RNMT: variants seen among roughly 807,000 people sequenced by gnomAD.
The protein encoded by RNMT is mRNA cap guanine-N(7) methyltransferase.
Under a neutral mutation model 56.0 loss-of-function variants are expected in RNMT, and 27 were observed. That is an observed-to-expected ratio of 0.48 (90% CI 0.36 to 0.67). The LOEUF is 0.67. RNMT is among the 30% of genes least tolerant of loss of function. The pLI, the probability that RNMT is intolerant of heterozygous loss-of-function variation, is 0.00. For missense variants in RNMT, 519 were observed against 552.1 expected, an observed-to-expected ratio of 0.94 and a Z score of 0.60; for synonymous variants, 184 against 176.2, an observed-to-expected ratio of 1.04 and a Z score of -0.35.
At position 13,763,356 on chromosome 18, in the gene RNMT, T is replaced by A. The variant is rs2044642366; in HGVS notation, c.*3377T>A. 3.1e-6 allele frequency: 1 copy of A among 325,606 alleles called. No homozygotes were observed. The highest frequency in any genetic ancestry group is 2.1e-5 in the African/African-American group (1 of 46,516). The allele number at this position is 325,606 out of a possible 1,614,324, so 20.2% of individuals were successfully genotyped here. Reference sequence around the variant, plus strand: ...CCTCCCTCTCGTGCTGCTCAGTTTGTCCTCTGCTCCCATGTAGGCCTAAAG... The same window carrying A: ...CCTCCCTCTCGTGCTGCTCAGTTTGACCTCTGCTCCCATGTAGGCCTAAAG... On this transcript the variant is annotated 3_prime_UTR_variant, in exon 12 of 12. Coordinates refer to ENST00000383314, the MANE Select transcript of RNMT (RefSeq NM_003799.3).
Position 13,740,370 on chromosome 18 carries a change from T to TA in RNMT, c.792+98dup, listed in dbSNP as rs545850248. On this transcript the variant is annotated intron_variant, in intron 6 of 11. Coordinates refer to ENST00000383314, the MANE Select transcript of RNMT (RefSeq NM_003799.3). Reference sequence around the variant, plus strand: ...AAAATCAACTCAATTTTTACTTTTTTAAAAAAATTTACTCTTATTTTTTGA... The same window carrying TA: ...AAAATCAACTCAATTTTTACTTTTTTAAAAAAAATTTACTCTTATTTTTTGA... 2,611 of 740,444 alleles carry TA rather than the reference T, an allele frequency of 3.5e-3. 11 individuals are homozygous for TA. The highest frequency in any genetic ancestry group is 4.2e-3 in the Non-Finnish European group (1,902 of 449,492). The allele number at this position is 740,444 out of a possible 1,614,324, so 45.9% of individuals were successfully genotyped here.
At chr18:13,742,805 AAC>A in intron 8 of RNMT, 153 bp downstream of exon 8, 1 of 580,030 alleles carries the variant, frequency 1.7e-6, no homozygotes, top group Non-Finnish European at 2.8e-6. Context: ...AAAAAAAAAA[AAC>A]AAAACAAGAC....
At chr18:13,748,846 A>G (rs4433867) in intron 9 of RNMT, among the ~76,000 whole-genome samples, 135,311 of 152,168 alleles carry the variant, frequency 0.89, 60,237 homozygotes, top group East Asian at 0.97. Flanking sequence ...TTGGGAGGCC[A>G]AGGCGGGCAG....
In RNMT at chr18:13,762,387, A is replaced by G. The variant is rs1259469117; in HGVS notation, c.*2408A>G. The stretch of plus-strand genomic sequence containing the variant: ...GTGGGAGCCGTGTTCTAACCTGTGG[A>G]AAGTATTGCAATTCTGTGAGAGTGA... On this transcript the variant is annotated 3_prime_UTR_variant, in exon 12 of 12. Coordinates refer to ENST00000383314, the MANE Select transcript of RNMT (RefSeq NM_003799.3). The G allele has an allele frequency of 4.0e-6, 2 of 497,300 alleles. No individual in the cohort carries two copies. Among genetic ancestry groups the G allele is most frequent in the African/African-American group, 2.0e-5 (1 of 50,426 alleles). The allele number at this position is 497,300 out of a possible 1,614,324, so 30.8% of individuals were successfully genotyped here. A position where few individuals can be genotyped will look rare whatever the true frequency, so the allele number is the denominator to read the frequency against.
intron 11 of RNMT, among the ~76,000 whole-genome samples, chr18:13,759,035 C>T (rs758910550): frequency 1.3e-4 from 20 of 152,092 alleles, no homozygotes; most frequent in Non-Finnish European, 1.9e-4. Context: ...AAAGGCACCT[C>T]GATAAAGTTT....
rs1399850723 is a variant in RNMT at position 13,740,159 on chromosome 18, C to T, written c.680-8C>T. On this transcript the variant is annotated splice_polypyrimidine_tract_variant and splice_region_variant and intron_variant, in intron 5 of 11. Transcript: ENST00000383314. ...TTGATACTTACTAATACCCTTCCAT[C>T]CTTCCAGATATTGCCGATGTTTCTG... 6.4e-7 allele frequency: 1 copy of T among 1,552,744 alleles called. No individual in the cohort carries two copies. The highest frequency in any genetic ancestry group is 8.9e-7 in the Non-Finnish European group (1 of 1,124,878).
chr18:13,727,941 CTA>C (rs2043990568), intron 1 of RNMT, among the ~76,000 whole-genome samples: 2 of 152,318 alleles, frequency 1.3e-5, no homozygotes, highest in East Asian at 3.9e-4. Flanking sequence ...TTTTTAATGA[CTA>C]ATATTCCATT....
At chr18:13,741,740 T>G in intron 7 of RNMT, 49 bp downstream of exon 7, 1 of 1,197,136 alleles carries the variant, frequency 8.4e-7, no homozygotes, top group South Asian at 1.7e-5. Context: ...CAGTATTAAG[T>G]AGCAAATGTT....
In RNMT at chr18:13,761,916, T is replaced by C; in HGVS notation, c.*1937T>C. The C allele has an allele frequency of 3.1e-5, 38 of 1,210,556 alleles. No homozygotes were observed. Among genetic ancestry groups the C allele is most frequent in the Non-Finnish European group, 3.8e-5 (37 of 962,296 alleles). The allele number at this position is 1,210,556 out of a possible 1,614,324, so 75.0% of individuals were successfully genotyped here. On this transcript the variant is annotated 3_prime_UTR_variant, in exon 12 of 12. Transcript: ENST00000383314. ...AGTTTCTGGATATTGACTTAAGAACTGTTAGGAAGAGGACTAGAAAAGGCT... is the reference window on the plus strand; with the variant it reads ...AGTTTCTGGATATTGACTTAAGAACCGTTAGGAAGAGGACTAGAAAAGGCT...
At position 13,732,762 on chromosome 18, in the gene RNMT, T is replaced by TTTTTC. The variant is rs142277511; in HGVS notation, c.417+828_417+829insTTTTC. Among the ~76,000 whole-genome samples, 210 of 98,674 alleles carry TTTTTC rather than the reference T, an allele frequency of 2.1e-3. 28 individuals are homozygous for TTTTTC. Among genetic ancestry groups the TTTTTC allele is most frequent in the Non-Finnish European group, 2.6e-3 (138 of 53,204 alleles). The allele number at this position is 98,674 out of a possible 152,430, so 64.7% of individuals were successfully genotyped here. On this transcript the variant is annotated intron_variant, in intron 3 of 11. Transcript: ENST00000383314. Reference sequence around the variant, plus strand: ...CCCCCCTTTTTTTTTTTTTTTTTTTTGGAGACAGAGTCTCACTCTGTCTCC... The same window carrying TTTTTC: ...CCCCCCTTTTTTTTTTTTTTTTTTTTTTTTCGGAGACAGAGTCTCACTCTGTCTCC...
Position 13,762,121 on chromosome 18 carries a change from GT to G in RNMT, c.*2143del. On this transcript the variant is annotated 3_prime_UTR_variant, in exon 12 of 12. Coordinates refer to ENST00000383314, the MANE Select transcript of RNMT (RefSeq NM_003799.3). The stretch of plus-strand genomic sequence containing the variant: ...CACCTGTTGCTGCAAGCTCAGTGAA[GT>G]GGGGCACTCCCAGACCTGCCATGCA... 6.5e-7 allele frequency: 1 copy of G among 1,536,000 alleles called. No individual in the cohort carries two copies.
In RNMT at chr18:13,731,946, G is replaced by A. The variant is rs764781151; in HGVS notation, c.417+12G>A. 9 of 1,568,618 alleles carry A rather than the reference G, an allele frequency of 5.7e-6. No individual in the cohort carries two copies. Among genetic ancestry groups the A allele is most frequent in the Non-Finnish European group, 7.7e-6 (9 of 1,163,292 alleles). Reference sequence around the variant, plus strand: ...CTGAAAAGCAGAAAGTATGTTCAGTGTATTTTCATTTATTCATAATAGAAT... The same window carrying A: ...CTGAAAAGCAGAAAGTATGTTCAGTATATTTTCATTTATTCATAATAGAAT... On this transcript the variant is annotated intron_variant, in intron 3 of 11. Coordinates refer to ENST00000383314, the MANE Select transcript of RNMT (RefSeq NM_003799.3).
At chr18:13,727,000 C>T (rs994473281) in intron 1 of RNMT, 1 of 152,288 alleles carries the variant, frequency 6.6e-6, no homozygotes, top group African/African-American at 2.4e-5. Context: ...GCTCGCGCCC[C>T]AGGGCCGTGC....
chr18:13,738,787 A>G (rs747698518), intron 5 of RNMT, among the ~76,000 whole-genome samples: 34 of 152,210 alleles, frequency 2.2e-4, no homozygotes, highest in Admixed American at 5.9e-4. Flanking sequence ...AGTCAATTTT[A>G]TTTTTGGCAA....
chr18:13,761,082 G>T lies in RNMT; in HGVS notation c.*1103G>T. The T allele has an allele frequency of 2.0e-6, 2 of 985,130 alleles. No individual in the cohort carries two copies. The highest frequency in any genetic ancestry group is 2.4e-6 in the Non-Finnish European group (2 of 829,662). 61.0% of individuals were successfully genotyped at this position (985,130 alleles called of 1,614,324 possible). ...ATTCTTTTTTAAATTATTAAGCCAT[G>T]ATTTACAAAAACATTACTTTCTGTA... is the stretch of plus-strand genomic sequence containing the variant. On this transcript the variant is annotated 3_prime_UTR_variant, in exon 12 of 12. Transcript: ENST00000383314.
Position 13,760,272 on chromosome 18 carries a change from A to G in RNMT, c.*293A>G, listed in dbSNP as rs2044603319. On this transcript the variant is annotated 3_prime_UTR_variant, in exon 12 of 12. Transcript: ENST00000383314. ...GCTCATAAAAATATAATATGACTTG[A>G]TAAAGCAACTAAACTCTTTCCACAG... The G allele has an allele frequency of 1.8e-6, 2 of 1,103,402 alleles. No individual in the cohort carries two copies. Among genetic ancestry groups the G allele is most frequent in the Non-Finnish European group, 2.2e-6 (2 of 905,336 alleles). 68.4% of individuals were successfully genotyped at this position (1,103,402 alleles called of 1,614,324 possible).
At chr18:13,731,154 C>T (rs1051760419) in intron 2 of RNMT, among the ~76,000 whole-genome samples, 1 of 152,188 alleles carries the variant, frequency 6.6e-6, no homozygotes, top group Non-Finnish European at 1.5e-5. Context: ...CGCCTGTAAT[C>T]CCAGCACTTT....
At chr18:13,757,601 T>C (rs1296484240) in intron 11 of RNMT, among the ~76,000 whole-genome samples, 1 of 152,236 alleles carries the variant, frequency 6.6e-6, no homozygotes, top group African/African-American at 2.4e-5. Context: ...CAGGCTCCAC[T>C]TCTAATTCTG....
Position 13,762,126 on chromosome 18 carries a change from G to A in RNMT, c.*2147G>A, listed in dbSNP as rs2044628426. On this transcript the variant is annotated 3_prime_UTR_variant, in exon 12 of 12. Transcript: ENST00000383314. ...GTTGCTGCAAGCTCAGTGAAGTGGG[G>A]CACTCCCAGACCTGCCATGCAGTTT... is the stretch of plus-strand genomic sequence containing the variant. 7 of 1,535,854 alleles carry A rather than the reference G, an allele frequency of 4.6e-6. No individual in the cohort carries two copies. Among genetic ancestry groups the A allele is most frequent in the Non-Finnish European group, 5.2e-6 (6 of 1,146,772 alleles).
Sources: gnomAD v4.1 joint callset for allele counts (sites outside exome capture counted in the v4.1 genomes callset) on GRCh38, gnomAD v4.1.1 for gene constraint, MANE v1.5 for transcripts, NCBI Gene and HGNC (gene_info 2026-07-23, HGNC 2026-07-21) for gene names.